TMEM266: variants seen among roughly 807,000 people sequenced by gnomAD.
TMEM266 encodes the protein transmembrane protein 266.
Under a neutral mutation model 50.5 loss-of-function variants are expected in TMEM266, and 33 were observed. The ratio of observed to expected loss-of-function variants is 0.65; its 90% CI spans 0.50 to 0.87. TMEM266 has a LOEUF of 0.87. Ranked by LOEUF, TMEM266 falls within the 40% of genes least tolerant of loss-of-function variation. The pLI, the probability that TMEM266 is intolerant of heterozygous loss-of-function variation, is 0.00. For missense variants in TMEM266, 655 were observed against 695.1 expected (o/e 0.94, Z 0.65); for synonymous variants, 310 against 292.3 (o/e 1.06, Z -0.62).
At chr15:76,186,431 G>A (rs2038491700) in intron 8 of TMEM266, among the ~76,000 whole-genome samples, 2 of 152,198 alleles carry the variant, frequency 1.3e-5, no homozygotes, top group Admixed American at 1.3e-4. Flanking sequence ...CAGCCATTTT[G>A]CCCATGTGTG....
intron 8 of TMEM266, among the ~76,000 whole-genome samples, chr15:76,187,227 C>T (rs1048026472): frequency 2.0e-5 from 3 of 152,266 alleles, no homozygotes; most frequent in Non-Finnish European, 4.4e-5. Flanking sequence ...TATGTGCCTA[C>T]GTCTGCACAT....
chr15:76,156,392 T>C (rs1264850788), intron 3 of TMEM266, among the ~76,000 whole-genome samples: 2 of 151,928 alleles, frequency 1.3e-5, no homozygotes, highest in Non-Finnish European at 2.9e-5. Context: ...AAAAAAAAAG[T>C]GGCCAGCTCC....
chr15:76,094,682 A>G (rs966265231), intron 1 of TMEM266, among the ~76,000 whole-genome samples: 4 of 152,068 alleles, frequency 2.6e-5, no homozygotes, highest in Admixed American at 2.0e-4. Flanking sequence ...TGGGGATAGC[A>G]TTGAATCTAT....
chr15:76,097,609 G>T (rs149512560), intron 1 of TMEM266, among the ~76,000 whole-genome samples: 34,451 of 151,662 alleles, frequency 0.23, 4,497 homozygotes, highest in Non-Finnish European at 0.27. Flanking sequence ...TCTTTGTGGT[G>T]TTCTCTGTAT....
At chr15:76,129,689 A>G (rs538983782) in intron 1 of TMEM266, among the ~76,000 whole-genome samples, 159 of 152,156 alleles carry the variant, frequency 1.0e-3, no homozygotes, top group African/African-American at 3.5e-3. Flanking sequence ...ACTGCTAAGG[A>G]AATATAATCA....
intron 1 of TMEM266, among the ~76,000 whole-genome samples, chr15:76,069,934 T>G (rs1051004294): frequency 1.3e-5 from 2 of 152,216 alleles, no homozygotes; most frequent in African/African-American, 4.8e-5. Context: ...TTTTATTGAA[T>G]GTATTGAATA....
At chr15:76,201,885 G>T (rs145154218) in intron 9 of TMEM266, among the ~76,000 whole-genome samples, 68 of 152,332 alleles carry the variant, frequency 4.5e-4, no homozygotes, top group African/African-American at 1.5e-3. Flanking sequence ...ACAAGGAAAA[G>T]CCCTGATAAA....
intron 3 of TMEM266, among the ~76,000 whole-genome samples, chr15:76,138,213 ACT>A (rs1239417623): frequency 1.0e-4 from 13 of 128,714 alleles, no homozygotes; most frequent in Admixed American, 2.5e-4. Flanking sequence ...CAAGAGTAAA[ACT>A]CTGTCTCAAA....
intron 5 of TMEM266, among the ~76,000 whole-genome samples, chr15:76,166,661 CCTCA>C (rs2038101558): frequency 6.6e-6 from 1 of 152,244 alleles, no homozygotes; most frequent in Non-Finnish European, 1.5e-5. Context: ...TCCCTCCACC[CCTCA>C]CTCCTGGGCC....
intron 1 of TMEM266, among the ~76,000 whole-genome samples, chr15:76,094,921 T>C (rs1200871336): frequency 1.3e-5 from 2 of 152,046 alleles, no homozygotes; most frequent in Non-Finnish European, 2.9e-5. Context: ...GTTTGTCTGT[T>C]ATTGGTGTAT....
chr15:76,084,906 G>A (rs2036751697), intron 1 of TMEM266, among the ~76,000 whole-genome samples: 1 of 150,402 alleles, frequency 6.6e-6, no homozygotes, highest in Non-Finnish European at 1.5e-5. Context: ...CCAGAGATAA[G>A]TTTTTAAGTA....
intron 6 of TMEM266, among the ~76,000 whole-genome samples, chr15:76,170,677 C>G (rs114323647): frequency 1.3e-5 from 2 of 152,234 alleles, no homozygotes; most frequent in Non-Finnish European, 2.9e-5. Flanking sequence ...TCCAGCTTGG[C>G]CTCTGCCCAG....
chr15:76,122,147 GT>G (rs1023543113), intron 1 of TMEM266, among the ~76,000 whole-genome samples: 1 of 152,266 alleles, frequency 6.6e-6, no homozygotes, highest in African/African-American at 2.4e-5. Flanking sequence ...GCTGGCCTTA[GT>G]TGAGGTGACT....
chr15:76,188,663 T>C (rs544658280), intron 8 of TMEM266, among the ~76,000 whole-genome samples: 81 of 152,226 alleles, frequency 5.3e-4, no homozygotes, highest in Admixed American at 9.8e-4. Flanking sequence ...CTCACTATCA[T>C]GAGAAAGCAT....
chr15:76,176,880 C>A (rs542930451), intron 8 of TMEM266, among the ~76,000 whole-genome samples: 1 of 152,190 alleles, frequency 6.6e-6, no homozygotes, highest in Non-Finnish European at 1.5e-5. Flanking sequence ...TGTGTCTGCC[C>A]GTCCTATCGA....
chr15:76,136,666 C>T (rs1314979427), intron 2 of TMEM266, among the ~76,000 whole-genome samples: 1 of 152,128 alleles, frequency 6.6e-6, no homozygotes, highest in African/African-American at 2.4e-5. Context: ...CAAGACTGAG[C>T]CCCTCAGATT....
At chr15:76,199,859 C>T (rs948267316) in intron 9 of TMEM266, among the ~76,000 whole-genome samples, 5 of 151,084 alleles carry the variant, frequency 3.3e-5, no homozygotes, top group African/African-American at 1.2e-4. Context: ...TGCACAGGGG[C>T]TTTCCAAGGA....
intron 1 of TMEM266, among the ~76,000 whole-genome samples, chr15:76,068,903 A>C (rs2036487351): frequency 1.3e-5 from 2 of 152,242 alleles, no homozygotes; most frequent in Non-Finnish European, 2.9e-5. Context: ...AGGTCAAGCT[A>C]CTAATGAGTG....
intron 1 of TMEM266, among the ~76,000 whole-genome samples, chr15:76,120,758 CAA>C (rs60694791): frequency 9.8e-4 from 57 of 57,944 alleles, no homozygotes; most frequent in East Asian, 2.0e-3. Context: ...AAGACTGTCT[CAA>C]AAAAAAAAAA....
Sources: gnomAD v4.1 joint callset for allele counts (sites outside exome capture counted in the v4.1 genomes callset) on GRCh38, gnomAD v4.1.1 for gene constraint, MANE v1.5 for transcripts, NCBI Gene and HGNC (gene_info 2026-07-23, HGNC 2026-07-21) for gene names.